The following ERCC6 variants were observed in gnomAD, a reference collection of about 807,000 sequenced individuals.
The protein encoded by ERCC6 is DNA excision repair protein ERCC-6.
Under a neutral mutation model 158.7 loss-of-function variants are expected in ERCC6, and 116 were observed. That is an observed-to-expected ratio of 0.73 (90% CI 0.63 to 0.85). The LOEUF is 0.85. ERCC6 is among the 40% of genes least tolerant of loss of function. ERCC6 has a pLI of 0.00. For synonymous variants in ERCC6, 678 were observed against 659.3 expected (o/e 1.03, Z -0.43); for missense variants, 1,698 against 1,799.4 (o/e 0.94, Z 1.02).
At chr10:49,528,687 T>G (rs1171712667) in intron 3 of ERCC6, among the ~76,000 whole-genome samples, 162 bp from the exon 4 acceptor site, 1 of 152,220 alleles carries the variant, frequency 6.6e-6, no homozygotes, top group African/African-American at 2.4e-5. Context: ...GAGCCCTATG[T>G]GAGCAACTAC....
At chr10:49,469,176 T>G (rs1038095200) in intron 18 of ERCC6, among the ~76,000 whole-genome samples, 26 of 152,234 alleles carry the variant, frequency 1.7e-4, no homozygotes, top group African/African-American at 5.8e-4. Flanking sequence ...ACAGGATATT[T>G]ACACAGTCTC....
chr10:49,530,716 T>G lies in ERCC6; in HGVS notation c.543+4A>C, dbSNP rs776656543. The G allele has an allele frequency of 3.2e-5, 52 of 1,612,898 alleles. No individual in the cohort carries two copies. The highest frequency in any genetic ancestry group is 1.4e-4 in the South Asian group (13 of 90,948). On this transcript the variant is annotated splice_donor_region_variant and intron_variant, in intron 3 of 20. Transcript: ENST00000355832. Reference sequence around the variant, plus strand: ...ATGCAATACTGAATGTTATTCTGAATCACCTTATTATACTTCTGTCGTTTT... The same window carrying G: ...ATGCAATACTGAATGTTATTCTGAAGCACCTTATTATACTTCTGTCGTTTT...
At chr10:49,516,573 T>C (rs374519405) in intron 5 of ERCC6, 49 of 1,613,806 alleles carry the variant, frequency 3.0e-5, no homozygotes, top group Non-Finnish European at 4.1e-5. Flanking sequence ...CAGAAAACAT[T>C]TGAATTCAGA....
chr10:49,486,588 G>C (rs576799522), intron 8 of ERCC6, among the ~76,000 whole-genome samples: 47 of 152,286 alleles, frequency 3.1e-4, no homozygotes, highest in African/African-American at 1.0e-3. Flanking sequence ...CACAATTACA[G>C]ATGTAGAGAA....
At chr10:49,483,640 C>A (rs1348004867) in intron 8 of ERCC6, 124 bp from the exon 9 acceptor site, 1 of 954,462 alleles carries the variant, frequency 1.0e-6, no homozygotes, top group East Asian at 2.6e-5. Context: ...CAATCACAGA[C>A]ATTATCAGCA....
rs2132526608 is a variant in ERCC6, at chr10:49,461,435, A to G, written c.3900T>C (p.Ser1300=). The G allele has an allele frequency of 6.2e-7, 1 of 1,614,182 alleles. No individual in the cohort carries two copies. Among genetic ancestry groups the G allele is most frequent in the African/African-American group, 1.3e-5 (1 of 75,052 alleles). Residue 1300 remains serine (S), a synonymous_variant, in exon 19 of 21, where the codon TCT becomes TCC. Transcript: ENST00000355832. ...AQDALKALRL[S]RQRCLGAVSG... is the part of the protein sequence containing the mutation. The stretch of plus-strand genomic sequence containing the variant: ...ACACTGCTCCCAGACACCGCTGACG[A>G]GAGAGCCTCAGTGCTTTCAGGGCAT...
At chr10:49,483,581 A>C in intron 8 of ERCC6, 65 bp from the exon 9 acceptor site, 2 of 1,485,724 alleles carry the variant, frequency 1.3e-6, no homozygotes, top group Admixed American at 3.3e-5. Context: ...CAATCATGAC[A>C]CAATCTAAAG....
intron 3 of ERCC6, 136 bp from the exon 4 acceptor site, chr10:49,528,661 C>T (rs1180339755): frequency 4.4e-6 from 5 of 1,145,448 alleles, no homozygotes; most frequent in Non-Finnish European, 6.2e-6. Context: ...AAATTCCATA[C>T]ATTACTATTA....
At chr10:49,528,253 C>T (rs1837386634) in intron 4 of ERCC6, among the ~76,000 whole-genome samples, 164 bp downstream of exon 4, 1 of 152,206 alleles carries the variant, frequency 6.6e-6, no homozygotes, top group Admixed American at 6.5e-5. Flanking sequence ...GGATTTGGTT[C>T]TGCAGGTGTA....
At chr10:49,528,685 T>C (rs1837398483) in intron 3 of ERCC6, among the ~76,000 whole-genome samples, 160 bp from the exon 4 acceptor site, 3 of 152,202 alleles carry the variant, frequency 2.0e-5, no homozygotes, top group African/African-American at 7.2e-5. Context: ...GAGAGCCCTA[T>C]GTGAGCAACT....
At chr10:49,483,154 C>T (rs1318685884) in intron 9 of ERCC6, among the ~76,000 whole-genome samples, 192 bp downstream of exon 9, 3 of 152,042 alleles carry the variant, frequency 2.0e-5, no homozygotes, top group African/African-American at 4.8e-5. Context: ...ATAACATGAA[C>T]AATCAGAATT....
At chr10:49,444,397 C>T in the ERCC6 span, among the ~76,000 whole-genome samples, 2 of 152,104 alleles carry the variant, frequency 1.3e-5, no homozygotes, top group Admixed American at 1.3e-4. Context: ...CTAAGACCAC[C>T]CAAGATCTGA....
downstream of ERCC6, among the ~76,000 whole-genome samples, chr10:49,451,517 T>C (rs538242715): frequency 6.6e-5 from 10 of 152,340 alleles, no homozygotes; most frequent in African/African-American, 1.7e-4. Context: ...CAAATGCAGC[T>C]ATTTTTGCAT....
chr10:49,445,224 T>C, the ERCC6 span, among the ~76,000 whole-genome samples: 1 of 152,190 alleles, frequency 6.6e-6, no homozygotes, highest in African/African-American at 2.4e-5. Context: ...ACCAGAAATT[T>C]AGAGCACATA....
At chr10:49,447,532 A>C in the ERCC6 span, among the ~76,000 whole-genome samples, 49 of 152,176 alleles carry the variant, frequency 3.2e-4, no homozygotes, top group African/African-American at 1.1e-3. Flanking sequence ...CTAAAAAAAT[A>C]CAAAAAAAAT....
chr10:49,445,603 G>T, the ERCC6 span, among the ~76,000 whole-genome samples: 1 of 152,134 alleles, frequency 6.6e-6, no homozygotes, highest in East Asian at 1.9e-4. Flanking sequence ...AATGGTTTCA[G>T]CAATGTAACA....
intron 20 of ERCC6, 29 bp downstream of exon 20, chr10:49,460,344 C>G: frequency 6.5e-7 from 1 of 1,528,428 alleles, no homozygotes; most frequent in Non-Finnish European, 9.1e-7. Context: ...AAGTCTCACC[C>G]TGGAAAGCAA....
the ERCC6 span, among the ~76,000 whole-genome samples, chr10:49,446,666 C>A: frequency 6.6e-6 from 1 of 152,018 alleles, no homozygotes; most frequent in Non-Finnish European, 1.5e-5. Context: ...TAGCCCCAGC[C>A]TCTTGGGAGG....
chr10:49,470,274 C>T lies in ERCC6; in HGVS notation c.3686G>A (p.Arg1229Lys), dbSNP rs767956069. ...TTCACTGTCTTGCTTCTGGTAACGC[C>T]TTTTCTTCACCAGGTGTGGAATTCG... is the stretch of plus-strand genomic sequence containing the variant. ...GTRIPHLVKK[R>K]RYQKQDSENK... The change falls in exon 18 of 21, where the codon AGG becomes AAG. Residue 1229 changes from arginine to lysine, a missense_variant. Arg to Lys is a conservative substitution (Grantham distance 26, BLOSUM62 2). Coordinates refer to ENST00000355832, the MANE Select transcript of ERCC6 (RefSeq NM_000124.4). The T allele has an allele frequency of 1.2e-6, 2 of 1,614,132 alleles. No homozygotes were observed. The highest frequency in any genetic ancestry group is 2.2e-5 in the South Asian group (2 of 91,074).
Sources: allele counts gnomAD v4.1 joint callset (sites outside exome capture counted in the v4.1 genomes callset), GRCh38; gene constraint gnomAD v4.1.1; transcripts MANE v1.5; gene names NCBI Gene and HGNC (gene_info 2026-07-23, HGNC 2026-07-21).